SORCS1: variants seen among roughly 807,000 people sequenced by gnomAD.
SORCS1 encodes sortilin related VPS10 domain containing receptor 1, also known as VPS10 domain-containing receptor SorCS1.
SORCS1 carries 60 observed loss-of-function variants against 146.1 expected under a neutral mutation model. That is an observed-to-expected ratio of 0.41 (90% CI 0.33 to 0.51). SORCS1 has a LOEUF of 0.51. Ranked by LOEUF, SORCS1 falls within the 20% of genes least tolerant of loss-of-function variation. SORCS1 has a pLI of 0.21. For missense variants in SORCS1, 1,352 were observed against 1,487.6 expected (o/e 0.91, Z 1.50); for synonymous variants, 637 against 584.0 (o/e 1.09, Z -1.31).
intron 1 of SORCS1, among the ~76,000 whole-genome samples, chr10:107,008,889 C>T (rs946626950): frequency 5.3e-5 from 8 of 152,292 alleles, no homozygotes; most frequent in Non-Finnish European, 1.0e-4. Context: ...CCCAGTTGCT[C>T]GGGCTGCTCA....
intron 1 of SORCS1, among the ~76,000 whole-genome samples, chr10:107,130,513 T>C (rs1966855247): frequency 6.6e-6 from 1 of 152,194 alleles, no homozygotes; most frequent in African/African-American, 2.4e-5. Flanking sequence ...TGGGAGCAAC[T>C]TATTTAGAGT....
At chr10:106,579,261 T>A (rs781381247) in intron 25 of SORCS1, 108 bp downstream of exon 25, 11 of 1,613,902 alleles carry the variant, frequency 6.8e-6, no homozygotes, top group Admixed American at 1.7e-5. Flanking sequence ...CCTAAAATAT[T>A]AATAGAAACC....
chr10:107,109,504 T>A (rs1965535265), intron 1 of SORCS1, among the ~76,000 whole-genome samples: 1 of 152,182 alleles, frequency 6.6e-6, no homozygotes, highest in Admixed American at 6.5e-5. Flanking sequence ...GGGGCTGGGA[T>A]GTGGGGAGCA....
chr10:106,809,539 A>C (rs1479118202), intron 3 of SORCS1, among the ~76,000 whole-genome samples: 4 of 152,214 alleles, frequency 2.6e-5, no homozygotes, highest in Non-Finnish European at 5.9e-5. Context: ...GTGACAGCCC[A>C]GCTTTGGCAG....
intron 18 of SORCS1, 128 bp from the exon 19 acceptor site, chr10:106,629,516 C>CTAGGAG: frequency 1.2e-6 from 1 of 812,868 alleles, no homozygotes; most frequent in Non-Finnish European, 1.9e-6. Flanking sequence ...ACTCCTACAG[C>CTAGGAG]TAGGAGCATC....
Position 106,762,056 on chromosome 10 carries a change from G to A in SORCS1, c.886-395C>T, listed in dbSNP as rs540879794. Among the ~76,000 whole-genome samples the A allele has an allele frequency of 3.9e-5, 6 of 152,276 alleles. No individual in the cohort carries two copies. In the South Asian group the frequency reaches 1.0e-3, roughly 26 times the overall value. Reference sequence around the variant, plus strand: ...TCTAGACCTGGTTCTGGAAGAGTACGCAATGTAACCTGAACCTGGCTCACA... The same window carrying A: ...TCTAGACCTGGTTCTGGAAGAGTACACAATGTAACCTGAACCTGGCTCACA... On this transcript the variant is annotated intron_variant, in intron 4 of 25. Coordinates refer to ENST00000263054, the MANE Select transcript of SORCS1 (RefSeq NM_052918.5).
chr10:106,980,785 T>G (rs1282370244), intron 1 of SORCS1, among the ~76,000 whole-genome samples: 3 of 152,186 alleles, frequency 2.0e-5, no homozygotes, highest in African/African-American at 7.2e-5. Flanking sequence ...AATGCAAAGG[T>G]CATATTTTCT....
intron 1 of SORCS1, among the ~76,000 whole-genome samples, chr10:107,111,215 T>C (rs574314517): frequency 2.0e-5 from 3 of 146,872 alleles, no homozygotes; most frequent in Admixed American, 2.0e-4. Flanking sequence ...CATTCTATAA[T>C]TGACTCCAAA....
At chr10:107,116,679 G>T in intron 1 of SORCS1, among the ~76,000 whole-genome samples, 1 of 151,938 alleles carries the variant, frequency 6.6e-6, no homozygotes, top group East Asian at 1.9e-4. Context: ...TTGATGTAAG[G>T]GTACAAAATA....
intron 2 of SORCS1, among the ~76,000 whole-genome samples, chr10:106,850,940 A>G (rs1275327035): frequency 1.3e-5 from 2 of 152,316 alleles, no homozygotes; most frequent in African/African-American, 4.8e-5. Flanking sequence ...TTGCAAAAAA[A>G]CACAGAAACT....
Position 107,092,532 on chromosome 10 carries a change from C to A in SORCS1, c.558+71437G>T, listed in dbSNP as rs118161529. On this transcript the variant is annotated intron_variant, in intron 1 of 25. Transcript: ENST00000263054. ...ATCGTTCTCCCTGCCTTGCACATGA[C>A]AAGGCTGCAGTCCAATATGCCTGCC... Among the ~76,000 whole-genome samples the A allele has an allele frequency of 9.2e-3, 1,407 of 152,296 alleles. 17 individuals are homozygous for A. Among genetic ancestry groups the A allele is most frequent in the Non-Finnish European group, 0.01 (701 of 68,012 alleles).
intron 17 of SORCS1, among the ~76,000 whole-genome samples, chr10:106,664,941 T>C (rs1404301545): frequency 6.6e-6 from 1 of 152,180 alleles, no homozygotes; most frequent in Non-Finnish European, 1.5e-5. Context: ...CCCCATTAAG[T>C]TTAGTTATTT....
At chr10:107,153,006 CT>C (rs1258348405) in intron 1 of SORCS1, among the ~76,000 whole-genome samples, 5 of 152,096 alleles carry the variant, frequency 3.3e-5, no homozygotes, top group African/African-American at 1.2e-4. Context: ...TGCTCTCTGG[CT>C]TTCCTTCTGT....
intron 3 of SORCS1, among the ~76,000 whole-genome samples, chr10:106,817,081 G>A (rs1947782527): frequency 6.6e-6 from 1 of 152,172 alleles, no homozygotes; most frequent in Non-Finnish European, 1.5e-5. Flanking sequence ...AGCAAAAGTG[G>A]TGGACACACA....
intron 24 of SORCS1, among the ~76,000 whole-genome samples, chr10:106,586,499 T>G (rs1845247746): frequency 6.6e-6 from 1 of 152,212 alleles, no homozygotes; most frequent in Non-Finnish European, 1.5e-5. Context: ...TTTGTGCCCC[T>G]GTTTCTGTTC....
chr10:106,692,579 A>AT (rs1264353799), intron 9 of SORCS1, among the ~76,000 whole-genome samples: 1 of 152,166 alleles, frequency 6.6e-6, no homozygotes, highest in Non-Finnish European at 1.5e-5. Context: ...AAACCACTGG[A>AT]TTTTACATTT....
At chr10:106,854,805 A>T (rs1949720703) in intron 2 of SORCS1, among the ~76,000 whole-genome samples, 1 of 152,096 alleles carries the variant, frequency 6.6e-6, no homozygotes, top group Non-Finnish European at 1.5e-5. Flanking sequence ...ACCTGTACAT[A>T]AGCATACCTA....
At chr10:107,098,628 A>G (rs1964697802) in intron 1 of SORCS1, among the ~76,000 whole-genome samples, 1 of 152,226 alleles carries the variant, frequency 6.6e-6, no homozygotes, top group Non-Finnish European at 1.5e-5. Flanking sequence ...AGGGAAGAGG[A>G]AATTTAATTA....
At chr10:106,738,655 T>C (rs1474738410) in intron 5 of SORCS1, among the ~76,000 whole-genome samples, 1 of 152,180 alleles carries the variant, frequency 6.6e-6, no homozygotes, top group African/African-American at 2.4e-5. Flanking sequence ...TCCATTTCTG[T>C]TAAGGACAAA....
Sources: gnomAD v4.1 joint callset for allele counts (sites outside exome capture counted in the v4.1 genomes callset) on GRCh38, gnomAD v4.1.1 for gene constraint, MANE v1.5 for transcripts, NCBI Gene and HGNC (gene_info 2026-07-23, HGNC 2026-07-21) for gene names.